Variants in MYO16 observed in about 807,000 individuals in gnomAD.
The protein encoded by MYO16 is unconventional myosin-XVI.
A neutral mutation model predicts 205.3 loss-of-function variants in MYO16; 94 were observed. The observed-to-expected ratio is 0.46, with a 90% CI of 0.39 to 0.54. MYO16 has a LOEUF of 0.54. Among genes scored for constraint, MYO16 ranks in the 20% least tolerant of loss-of-function variants. The pLI, the probability that MYO16 is intolerant of heterozygous loss-of-function variation, is 0.00. For missense variants in MYO16, 2,315 were observed against 2,387.5 expected (o/e 0.97, Z 0.63); for synonymous variants, 988 against 954.0 (o/e 1.04, Z -0.66).
chr13:108,714,320 G>T (rs1239217237), intron 3 of MYO16, among the ~76,000 whole-genome samples: 1 of 152,204 alleles, frequency 6.6e-6, no homozygotes, highest in African/African-American at 2.4e-5. Context: ...CTCCCGAAGT[G>T]CTGGGATTAC....
At chr13:108,499,840 GCT>G in the MYO16 span, among the ~76,000 whole-genome samples, 1 of 152,082 alleles carries the variant, frequency 6.6e-6, no homozygotes, top group Non-Finnish European at 1.5e-5. Context: ...TCTGTGATGT[GCT>G]TATTTCTGTG....
chr13:108,820,200 G>T, intron 7 of MYO16, 137 bp from the exon 8 acceptor site: 1 of 589,568 alleles, frequency 1.7e-6, no homozygotes. Context: ...TGGGAAAGGG[G>T]ACAGGAAGGA....
chr13:108,663,093 A>G (rs1881574499), intron 1 of MYO16, among the ~76,000 whole-genome samples: 1 of 152,096 alleles, frequency 6.6e-6, no homozygotes, highest in Non-Finnish European at 1.5e-5. Context: ...GGGCACTCAT[A>G]GTATTTGAGG....
At chr13:108,804,921 T>C (rs968913310) in intron 6 of MYO16, among the ~76,000 whole-genome samples, 30 of 152,320 alleles carry the variant, frequency 2.0e-4, no homozygotes, top group African/African-American at 6.5e-4. Context: ...TTTTGCTGTA[T>C]GGAAAGCAAA....
chr13:108,623,214 A>G (rs2139338656), intron 1 of MYO16, among the ~76,000 whole-genome samples: 1 of 152,308 alleles, frequency 6.6e-6, no homozygotes, highest in Admixed American at 6.5e-5. Flanking sequence ...GAAAATATTT[A>G]TGGAGAACAA....
At chr13:108,865,366 T>C (rs1878658664) in intron 11 of MYO16, among the ~76,000 whole-genome samples, 1 of 152,162 alleles carries the variant, frequency 6.6e-6, no homozygotes, top group African/African-American at 2.4e-5. Flanking sequence ...GAAATGTTGT[T>C]TCTTCCTGAT....
At chr13:108,843,292 T>C (rs1192396608) in intron 9 of MYO16, among the ~76,000 whole-genome samples, 1 of 152,060 alleles carries the variant, frequency 6.6e-6, no homozygotes, top group Non-Finnish European at 1.5e-5. Flanking sequence ...AAAATGAAAT[T>C]CAAATAAAAA....
At chr13:108,716,152 A>G (rs767289324) in intron 3 of MYO16, among the ~76,000 whole-genome samples, 1 of 152,238 alleles carries the variant, frequency 6.6e-6, no homozygotes, top group African/African-American at 2.4e-5. Flanking sequence ...CATGTGATGC[A>G]TAGTGAATTT....
chr13:108,873,942 A>G (rs1439571840), intron 12 of MYO16, among the ~76,000 whole-genome samples: 1 of 152,266 alleles, frequency 6.6e-6, no homozygotes, highest in Admixed American at 6.5e-5. Flanking sequence ...CTTTACAAAA[A>G]AGCAACCTTA....
At chr13:109,153,051 T>C (rs777523778) in intron 32 of MYO16, among the ~76,000 whole-genome samples, 7 of 152,162 alleles carry the variant, frequency 4.6e-5, no homozygotes, top group Admixed American at 1.3e-4. Flanking sequence ...ACATTTTACA[T>C]AGAGATACTA....
At chr13:108,849,619 TTGTGTGTG>T (rs60404877) in intron 10 of MYO16, among the ~76,000 whole-genome samples, 12,538 of 83,560 alleles carry the variant, frequency 0.15, 1,593 homozygotes, top group Non-Finnish European at 0.18. Context: ...ATTTCCTCTT[TTGTGTGTG>T]TGTGTGTGTG....
intron 27 of MYO16, among the ~76,000 whole-genome samples, chr13:109,076,111 C>T (rs1275607639): frequency 1.3e-5 from 2 of 152,180 alleles, no homozygotes; most frequent in Non-Finnish European, 2.9e-5. Context: ...TCTCCAGTGA[C>T]AGCCTCTTCT....
intron 7 of MYO16, 127 bp from the exon 8 acceptor site, chr13:108,820,210 A>G (rs951249943): frequency 3.3e-6 from 2 of 614,348 alleles, no homozygotes; most frequent in Non-Finnish European, 5.7e-6. Context: ...GACAGGAAGG[A>G]CTTCTGAGTG....
intron 2 of MYO16, among the ~76,000 whole-genome samples, chr13:108,675,306 A>T (rs1882153838): frequency 6.6e-6 from 1 of 152,318 alleles, no homozygotes; most frequent in South Asian, 2.1e-4. Context: ...AGAATTTCAC[A>T]TAGATACATT....
chr13:109,142,443 G>C (rs747736436), intron 32 of MYO16, among the ~76,000 whole-genome samples: 2 of 151,422 alleles, frequency 1.3e-5, no homozygotes, highest in Non-Finnish European at 2.9e-5. Context: ...GGGAACCTAA[G>C]GCCCTTTCAT....
chr13:108,717,881 T>C (rs1198126125), intron 3 of MYO16, among the ~76,000 whole-genome samples: 1 of 152,144 alleles, frequency 6.6e-6, no homozygotes, highest in Non-Finnish European at 1.5e-5. Context: ...ACAAATGACT[T>C]GAACATTTTA....
At chr13:108,727,751 T>C (rs553637848) in intron 4 of MYO16, among the ~76,000 whole-genome samples, 168 bp downstream of exon 4, 5 of 152,370 alleles carry the variant, frequency 3.3e-5, no homozygotes, top group Non-Finnish European at 7.3e-5. Context: ...AGGTTGTGGG[T>C]CACATAGTTT....
At chr13:109,165,081 A>G (rs776332783) in intron 33 of MYO16, 22 bp downstream of exon 33, 71 of 1,564,034 alleles carry the variant, frequency 4.5e-5, no homozygotes, top group Non-Finnish European at 5.9e-5. Flanking sequence ...TTAAACTCAG[A>G]AGTAAATGTA....
At chr13:108,983,026 T>C (rs1253586211) in intron 20 of MYO16, among the ~76,000 whole-genome samples, 4 of 152,204 alleles carry the variant, frequency 2.6e-5, no homozygotes, top group African/African-American at 7.2e-5. Flanking sequence ...TTTCAATTGA[T>C]ATCCGTCTCC....
Sources: gnomAD v4.1 joint callset for allele counts (sites outside exome capture counted in the v4.1 genomes callset) on GRCh38, gnomAD v4.1.1 for gene constraint, MANE v1.5 for transcripts, NCBI Gene and HGNC (gene_info 2026-07-23, HGNC 2026-07-21) for gene names.